PIBF1: variants seen among roughly 807,000 people sequenced by gnomAD.
The protein encoded by PIBF1 is progesterone-induced-blocking factor 1.
PIBF1 carries 90 observed loss-of-function variants against 112.5 expected under a neutral mutation model. The ratio of observed to expected loss-of-function variants is 0.80; its 90% CI spans 0.67 to 0.95. PIBF1 has a LOEUF of 0.95. PIBF1 is among the 40% of genes least tolerant of loss of function. PIBF1 has a pLI of 0.00. For synonymous variants in PIBF1, 301 were observed against 288.6 expected, an observed-to-expected ratio of 1.04 and a Z score of -0.44; for missense variants, 915 against 852.3, an observed-to-expected ratio of 1.07 and a Z score of -0.92.
At chr13:72,880,691 T>C (rs991256822) in intron 10 of PIBF1, among the ~76,000 whole-genome samples, 6 of 152,208 alleles carry the variant, frequency 3.9e-5, no homozygotes, top group African/African-American at 1.4e-4. Context: ...TTTGAAACTA[T>C]AAAAATAAAT....
chr13:72,940,578 G>A (rs1168172490), intron 14 of PIBF1, among the ~76,000 whole-genome samples: 1 of 152,054 alleles, frequency 6.6e-6, no homozygotes, highest in African/African-American at 2.4e-5. Flanking sequence ...GCCAGACCTT[G>A]TAAATTTTAC....
chr13:72,965,516 G>A (rs2042718223), intron 15 of PIBF1, 112 bp downstream of exon 15: 1 of 786,760 alleles, frequency 1.3e-6, no homozygotes, highest in African/African-American at 1.8e-5. Flanking sequence ...TAATGAAGGT[G>A]TCTTAAATGT....
chr13:72,911,954 C>T (rs1312343226), intron 12 of PIBF1, among the ~76,000 whole-genome samples: 1 of 148,712 alleles, frequency 6.7e-6, no homozygotes, highest in Non-Finnish European at 1.5e-5. Context: ...GGTGAGACCC[C>T]ATCTCTAGAA....
chr13:72,863,936 A>T (rs1304611847), intron 10 of PIBF1, among the ~76,000 whole-genome samples: 1 of 152,228 alleles, frequency 6.6e-6, no homozygotes, highest in Non-Finnish European at 1.5e-5. Flanking sequence ...ATCACATTTT[A>T]AAAACATGGT....
chr13:72,816,585 C>T (rs527703660), intron 5 of PIBF1, among the ~76,000 whole-genome samples: 30 of 150,538 alleles, frequency 2.0e-4, no homozygotes, highest in African/African-American at 6.1e-4. Context: ...CATCTGAGGT[C>T]GGGAGGTTGA....
chr13:72,953,975 C>T (rs1342433866), intron 14 of PIBF1, among the ~76,000 whole-genome samples: 1 of 152,046 alleles, frequency 6.6e-6, no homozygotes, highest in Non-Finnish European at 1.5e-5. Context: ...GAGGACTGGA[C>T]CAGGCAAGTC....
At chr13:72,917,032 G>C in intron 12 of PIBF1, 44 bp from the exon 13 acceptor site, 1 of 1,267,164 alleles carries the variant, frequency 7.9e-7, no homozygotes, top group East Asian at 2.5e-5. Flanking sequence ...TTTTTTAAAG[G>C]AAAAATAAAG....
At chr13:72,928,761 T>A (rs2041615139) in intron 13 of PIBF1, among the ~76,000 whole-genome samples, 1 of 152,174 alleles carries the variant, frequency 6.6e-6, no homozygotes, top group Admixed American at 6.5e-5. Context: ...AGTCAGTGTT[T>A]TATGACTTAT....
chr13:72,840,533 T>C (rs1312988368), intron 9 of PIBF1, among the ~76,000 whole-genome samples: 1 of 151,472 alleles, frequency 6.6e-6, no homozygotes, highest in African/African-American at 2.4e-5. Context: ...ACTTTTTTTT[T>C]TTTTTTTTTT....
intron 4 of PIBF1, among the ~76,000 whole-genome samples, chr13:72,796,575 T>G (rs944906157): frequency 1.4e-4 from 21 of 152,088 alleles, no homozygotes; most frequent in African/African-American, 4.8e-4. Context: ...GTGGTTGCTA[T>G]TCTTGGTTCT....
chr13:72,829,768 T>C (rs190930744), intron 8 of PIBF1, among the ~76,000 whole-genome samples: 10 of 152,314 alleles, frequency 6.6e-5, no homozygotes, highest in African/African-American at 2.4e-4. Context: ...GTGGGCTCTT[T>C]TTTGGTTCCA....
intron 13 of PIBF1, 29 bp downstream of exon 13, chr13:72,917,195 A>T (rs1044906255): frequency 1.5e-6 from 2 of 1,332,526 alleles, no homozygotes; most frequent in African/African-American, 1.5e-5. Context: ...TATTTTATTT[A>T]TCTACTCAAG....
At chr13:72,975,902 C>G (rs1009788441) in intron 16 of PIBF1, among the ~76,000 whole-genome samples, 4 of 151,986 alleles carry the variant, frequency 2.6e-5, no homozygotes, top group African/African-American at 9.7e-5. Flanking sequence ...ACCATTCAGC[C>G]ATATCAACTA....
At chr13:72,910,504 G>A (rs951534320) in intron 12 of PIBF1, among the ~76,000 whole-genome samples, 1 of 152,086 alleles carries the variant, frequency 6.6e-6, no homozygotes, top group South Asian at 2.1e-4. Context: ...CTGAAAAAGG[G>A]CATTTATAAA....
intron 10 of PIBF1, among the ~76,000 whole-genome samples, chr13:72,865,527 CT>C (rs2038889594): frequency 6.6e-6 from 1 of 152,120 alleles, no homozygotes; most frequent in Admixed American, 6.5e-5. Flanking sequence ...TTTAAATATG[CT>C]TGATTTTTGT....
chr13:72,964,469 A>G, intron 14 of PIBF1, among the ~76,000 whole-genome samples: 1 of 152,230 alleles, frequency 6.6e-6, no homozygotes, highest in South Asian at 2.1e-4. Context: ...TTTTCACATG[A>G]TTAAAATGGT....
rs1566458475 is a variant in PIBF1, at chr13:72,928,016, C to CACAT, written c.1731-3148_1731-3147insCATA. Reference sequence around the variant, plus strand: ...ACACACATATATATACATATATATACATATATATACATATATATATATATA... The same window carrying CACAT: ...ACACACATATATATACATATATATACACATATATATATACATATATATATATATA... On this transcript the variant is annotated intron_variant, in intron 13 of 17. Coordinates refer to ENST00000326291, the MANE Select transcript of PIBF1 (RefSeq NM_006346.4). Among the ~76,000 whole-genome samples the CACAT allele has an allele frequency of 2.7e-3, 148 of 53,974 alleles. 3 individuals are homozygous for CACAT. The East Asian group carries it at 0.069, about 25-fold the overall frequency. The allele number at this position is 53,974 out of a possible 152,430, so 35.4% of individuals were successfully genotyped here.
At chr13:72,908,793 A>G in intron 12 of PIBF1, 112 bp downstream of exon 12, 1 of 937,342 alleles carries the variant, frequency 1.1e-6, no homozygotes, top group Non-Finnish European at 1.6e-6. Context: ...TCATGCCTGT[A>G]ATCTTAGCAC....
chr13:72,871,446 C>T (rs1296218936), intron 10 of PIBF1, among the ~76,000 whole-genome samples: 2 of 152,118 alleles, frequency 1.3e-5, no homozygotes, highest in East Asian at 3.9e-4. Flanking sequence ...GCTGGGATTA[C>T]AGGTGCCCAC....
Sources: gnomAD v4.1 joint callset for allele counts (sites outside exome capture counted in the v4.1 genomes callset) on GRCh38, gnomAD v4.1.1 for gene constraint, MANE v1.5 for transcripts, NCBI Gene and HGNC (gene_info 2026-07-23, HGNC 2026-07-21) for gene names.